The following RBFOX1 variants were observed in gnomAD, a reference collection of about 807,000 sequenced individuals.
The protein encoded by RBFOX1 is RNA binding protein fox-1 homolog 1.
A neutral mutation model predicts 57.7 loss-of-function variants in RBFOX1; 8 were observed. The observed-to-expected ratio is 0.14, with a 90% CI of 0.08 to 0.25. The LOEUF (loss-of-function observed/expected upper bound fraction) is 0.25, where lower values mean the gene tolerates loss of function less well. Ranked by LOEUF, RBFOX1 falls within the 10% of genes least tolerant of loss-of-function variation. RBFOX1 has a pLI of 1.00. For synonymous variants in RBFOX1, 326 were observed against 222.4 expected (o/e 1.47, Z -4.15); for missense variants, 611 against 548.5 (o/e 1.11, Z -1.14).
intron 2 of RBFOX1, among the ~76,000 whole-genome samples, chr16:6,622,310 C>G (rs2098244476): frequency 1.3e-5 from 2 of 152,194 alleles, no homozygotes; most frequent in South Asian, 4.1e-4. Flanking sequence ...TTGCCCTATA[C>G]AGATGTATAA....
At chr16:7,131,532 T>G (rs1204690384) in intron 4 of RBFOX1, among the ~76,000 whole-genome samples, 1 of 151,668 alleles carries the variant, frequency 6.6e-6, no homozygotes, top group Non-Finnish European at 1.5e-5. Flanking sequence ...CTCACCATAA[T>G]CAACCTAGCT....
chr16:5,643,704 C>T (rs528410931), intron 3 of RBFOX1, among the ~76,000 whole-genome samples: 9 of 152,218 alleles, frequency 5.9e-5, no homozygotes, highest in East Asian at 3.9e-4. Flanking sequence ...TGCACAGGAT[C>T]GTGCCCTTTA....
chr16:7,135,929 G>A (rs1056763486), intron 4 of RBFOX1, among the ~76,000 whole-genome samples: 8 of 152,178 alleles, frequency 5.3e-5, no homozygotes, highest in African/African-American at 1.9e-4. Context: ...ATTGTCTTTG[G>A]AGTTGCCATT....
chr16:7,292,676 C>G (rs1222004133), intron 4 of RBFOX1, among the ~76,000 whole-genome samples: 1 of 151,706 alleles, frequency 6.6e-6, no homozygotes, highest in East Asian at 1.9e-4. Context: ...TGTAAGAACG[C>G]TACAATACAT....
At chr16:7,140,682 A>C (rs1450594053) in intron 4 of RBFOX1, among the ~76,000 whole-genome samples, 2 of 152,148 alleles carry the variant, frequency 1.3e-5, no homozygotes, top group African/African-American at 4.8e-5. Flanking sequence ...TGAAAGCAGA[A>C]CCTCTCAGAG....
At chr16:5,614,151 G>C (rs948670632) in intron 3 of RBFOX1, among the ~76,000 whole-genome samples, 1 of 152,100 alleles carries the variant, frequency 6.6e-6, no homozygotes, top group Non-Finnish European at 1.5e-5. Flanking sequence ...TGGGAGGTGC[G>C]GATCAGGTGG....
intron 3 of RBFOX1, among the ~76,000 whole-genome samples, chr16:6,880,400 T>A (rs1387353340): frequency 6.6e-6 from 1 of 152,182 alleles, no homozygotes; most frequent in Non-Finnish European, 1.5e-5. Flanking sequence ...ACCGCCCTGT[T>A]GCAGGAATGA....
chr16:6,337,452 G>C (rs1263693193), intron 2 of RBFOX1, among the ~76,000 whole-genome samples: 1 of 152,202 alleles, frequency 6.6e-6, no homozygotes, highest in African/African-American at 2.4e-5. Flanking sequence ...GAAAGAACGA[G>C]AATACGAATA....
At chr16:6,964,016 C>G (rs1286701373) in intron 3 of RBFOX1, among the ~76,000 whole-genome samples, 3 of 146,468 alleles carry the variant, frequency 2.0e-5, no homozygotes, top group African/African-American at 5.1e-5. Flanking sequence ...ATTTATTTAC[C>G]TATTTTTATT....
At chr16:6,173,209 G>C (rs1198590110) in intron 1 of RBFOX1, among the ~76,000 whole-genome samples, 1 of 152,084 alleles carries the variant, frequency 6.6e-6, no homozygotes, top group African/African-American at 2.4e-5. Flanking sequence ...CAGCGGCGTG[G>C]ACACTTCTGA....
At chr16:6,803,287 A>G (rs1160324119) in intron 3 of RBFOX1, among the ~76,000 whole-genome samples, 3 of 152,216 alleles carry the variant, frequency 2.0e-5, no homozygotes, top group African/African-American at 7.2e-5. Flanking sequence ...AGGAAGGCCC[A>G]CATCCCAGAA....
intron 1 of RBFOX1, among the ~76,000 whole-genome samples, chr16:6,119,745 C>G (rs1383891744): frequency 6.6e-6 from 1 of 152,196 alleles, no homozygotes; most frequent in Non-Finnish European, 1.5e-5. Context: ...CTAAGCAATC[C>G]TCCCTCAGCC....
chr16:7,367,947 C>T (rs1410519488), intron 4 of RBFOX1, among the ~76,000 whole-genome samples: 1 of 151,804 alleles, frequency 6.6e-6, no homozygotes, highest in Non-Finnish European at 1.5e-5. Context: ...ATCATTAGCC[C>T]AAGGGTCACC....
chr16:7,419,645 A>G (rs8044832), intron 4 of RBFOX1, among the ~76,000 whole-genome samples: 51,777 of 152,092 alleles, frequency 0.34, 11,755 homozygotes, highest in East Asian at 0.65. Context: ...CCTCAGGGAC[A>G]TGACAGTTCT....
intron 2 of RBFOX1, among the ~76,000 whole-genome samples, chr16:6,440,599 A>G (rs1488434552): frequency 6.6e-6 from 1 of 152,100 alleles, no homozygotes; most frequent in African/African-American, 2.4e-5. Context: ...CAAAGAGATC[A>G]AGATCATCCT....
chr16:6,463,818 A>C (rs947782114), intron 2 of RBFOX1, among the ~76,000 whole-genome samples: 4 of 152,158 alleles, frequency 2.6e-5, no homozygotes, highest in African/African-American at 4.8e-5. Context: ...ATCACTAAAC[A>C]ATCCCCACTG....
chr16:7,640,141 G>A (rs1568231558), intron 11 of RBFOX1, among the ~76,000 whole-genome samples: 1 of 152,140 alleles, frequency 6.6e-6, no homozygotes, highest in African/African-American at 2.4e-5. Flanking sequence ...TTTAATCCCT[G>A]CAACCACTAC....
intron 1 of RBFOX1, among the ~76,000 whole-genome samples, chr16:5,294,277 C>G (rs1409680960): frequency 6.6e-6 from 1 of 152,020 alleles, no homozygotes; most frequent in Non-Finnish European, 1.5e-5. Context: ...AATACTGATG[C>G]CCATGTTTCA....
intron 3 of RBFOX1, chr16:6,773,982 A>G (rs1021753228): frequency 2.0e-6 from 2 of 985,306 alleles, no homozygotes; most frequent in Non-Finnish European, 2.4e-6. Flanking sequence ...CCCGTTTTCA[A>G]CTGAACCTGT....
Sources: allele counts gnomAD v4.1 joint callset (sites outside exome capture counted in the v4.1 genomes callset), GRCh38; gene constraint gnomAD v4.1.1; transcripts MANE v1.5; gene names NCBI Gene and HGNC (gene_info 2026-07-23, HGNC 2026-07-21).